The following SDHA variants were observed in gnomAD, a reference collection of about 807,000 sequenced individuals.
SDHA encodes the protein succinate dehydrogenase complex flavoprotein subunit A.
A neutral mutation model predicts 78.4 loss-of-function variants in SDHA; 48 were observed. The observed-to-expected ratio is 0.61, with a 90% CI of 0.49 to 0.78. The LOEUF is 0.78. Ranked by LOEUF, SDHA falls within the 30% of genes least tolerant of loss-of-function variation. SDHA has a pLI of 0.00. For missense variants in SDHA, 680 were observed against 892.7 expected (o/e 0.76, Z 3.04); for synonymous variants, 326 against 353.9 (o/e 0.92, Z 0.88).
chr5:264,304 C>T, the SDHA span, among the ~76,000 whole-genome samples: 1 of 152,146 alleles, frequency 6.6e-6, no homozygotes, highest in African/African-American at 2.4e-5. Context: ...ATCTAAATTC[C>T]TTGGATTGTC....
At chr5:234,757 G>A in intron 8 of SDHA, 1 of 318,204 alleles carries the variant, frequency 3.1e-6, no homozygotes, top group South Asian at 3.0e-5. Context: ...TTTATATTAG[G>A]GACTTGAGCA....
intron 1 of SDHA, among the ~76,000 whole-genome samples, chr5:222,242 C>T (rs1293104215): frequency 1.3e-5 from 2 of 152,128 alleles, no homozygotes; most frequent in Non-Finnish European, 2.9e-5. Context: ...AATTTTTTAT[C>T]CCACATAATA....
At chr5:236,315 C>CGG (rs1034784531) in intron 9 of SDHA, 113 bp from the exon 10 acceptor site, 13 of 1,103,676 alleles carry the variant, frequency 1.2e-5, no homozygotes, top group African/African-American at 1.5e-5. Context: ...TGAGCCACCA[C>CGG]GCCTGGCCTA....
chr5:218,900 C>T (rs1408187153), intron 1 of SDHA, among the ~76,000 whole-genome samples: 4 of 152,158 alleles, frequency 2.6e-5, no homozygotes, highest in Non-Finnish European at 4.4e-5. Context: ...GCCGGCGGGG[C>T]GGGTGAGACC....
rs774899920 is a variant in SDHA at position 256,758 on chromosome 5, A to G, written c.*338A>G. 16 of 337,840 alleles carry G rather than the reference A, an allele frequency of 4.7e-5. No homozygotes were observed. The highest frequency in any genetic ancestry group is 9.6e-5 in the South Asian group (2 of 20,826). The allele number at this position is 337,840 out of a possible 1,614,324, so 20.9% of individuals were successfully genotyped here. On this transcript the variant is annotated 3_prime_UTR_variant, in exon 15 of 15. Coordinates refer to ENST00000264932, the MANE Select transcript of SDHA (RefSeq NM_004168.4). ...GTCATATTTGTTGACCTAAAAATCA[A>G]ATGTAATCTTTGTATTGTGTTACAT...
intron 5 of SDHA, among the ~76,000 whole-genome samples, chr5:226,548 C>G (rs1002277499): frequency 2.0e-5 from 3 of 152,144 alleles, no homozygotes; most frequent in Non-Finnish European, 4.4e-5. Context: ...TCCTGGATCA[C>G]TTGAGACCAG....
chr5:263,255 G>A, the SDHA span, among the ~76,000 whole-genome samples: 2 of 152,098 alleles, frequency 1.3e-5, no homozygotes, highest in Non-Finnish European at 2.9e-5. Context: ...CCTAAGACAA[G>A]GCAGGTTTTA....
Position 228,247 on chromosome 5 carries a change from TG to T in SDHA, c.688del (p.Glu230SerfsTer10), listed in dbSNP as rs1553998199. The T allele has an allele frequency of 9.9e-6, 16 of 1,613,596 alleles. No individual in the cohort carries two copies. The highest frequency in any genetic ancestry group is 1.4e-5 in the Non-Finnish European group (16 of 1,179,724). On this transcript the variant is annotated frameshift_variant, in exon 6 of 15. Coordinates refer to ENST00000264932, the MANE Select transcript of SDHA (RefSeq NM_004168.4). LOFTEE classifies it high-confidence loss of function. The part of the protein sequence containing the change: ...YFALDLLMEN[G>X]ECRGVIALCI... Reference sequence around the variant, plus strand: ...TTGCCTTGGATCTCCTGATGGAGAATGGGGAGTGCCGTGGTGTCATCGCACT... The same window carrying T: ...TTGCCTTGGATCTCCTGATGGAGAATGGGAGTGCCGTGGTGTCATCGCACT...
At chr5:235,402 C>T in intron 9 of SDHA, 63 bp downstream of exon 9, 2 of 1,470,860 alleles carry the variant, frequency 1.4e-6, no homozygotes, top group East Asian at 2.3e-5. Flanking sequence ...GCCCACCTCG[C>T]AGTTGTCTCT....
chr5:236,389 G>A (rs141465126), intron 9 of SDHA, 39 bp from the exon 10 acceptor site: 47 of 1,605,950 alleles, frequency 2.9e-5, no homozygotes, highest in Admixed American at 1.0e-4. Flanking sequence ...TGGAGGCATG[G>A]GCACCTTGAC....
At chr5:268,157 T>A in the SDHA span, among the ~76,000 whole-genome samples, 1 of 151,998 alleles carries the variant, frequency 6.6e-6, no homozygotes, top group East Asian at 1.9e-4. Flanking sequence ...TGTACATTCA[T>A]ATGAGTATGC....
chr5:230,920 G>C lies in SDHA; in HGVS notation c.815G>C (p.Ser272Thr). The change falls in exon 7 of 15, where the codon AGC becomes ACC. Residue 272 changes from serine (S) to threonine (T), a missense_variant. Physicochemically the swap from Ser to Thr is moderately conservative, Grantham distance 58. Transcript: ENST00000264932. ...TYFSCTSAHT[S>T]TGDGTAMITR... Reference sequence around the variant, plus strand: ...TTCAGCTGCACGTCTGCCCACACCAGCACTGGCGACGGCACGGCCATGATC... The same window carrying C: ...TTCAGCTGCACGTCTGCCCACACCACCACTGGCGACGGCACGGCCATGATC... 1.2e-6 allele frequency: 2 copies of C among 1,614,084 alleles called. No individual in the cohort carries two copies. Among genetic ancestry groups the C allele is most frequent in the South Asian group, 2.2e-5 (2 of 91,076 alleles).
intron 6 of SDHA, among the ~76,000 whole-genome samples, chr5:229,167 T>C (rs1184215523): frequency 6.6e-6 from 1 of 152,166 alleles, no homozygotes; most frequent in Non-Finnish European, 1.5e-5. Context: ...GTGCTGTTGG[T>C]GGGAATGTAA....
At chr5:264,534 C>G in the SDHA span, among the ~76,000 whole-genome samples, 1 of 152,218 alleles carries the variant, frequency 6.6e-6, no homozygotes. Flanking sequence ...GCACCCCGGC[C>G]TAATCCAGGA....
At chr5:236,377 G>C (rs760135704) in intron 9 of SDHA, 51 bp from the exon 10 acceptor site, 80 of 1,580,664 alleles carry the variant, frequency 5.1e-5, no homozygotes, top group Middle Eastern at 2.1e-4. Flanking sequence ...AAGGTGGGCT[G>C]GTGGAGGCAT....
At chr5:265,623 C>T in the SDHA span, among the ~76,000 whole-genome samples, 1 of 151,956 alleles carries the variant, frequency 6.6e-6, no homozygotes, top group Non-Finnish European at 1.5e-5. Flanking sequence ...TAAGAATTGT[C>T]CCAGCCTGGC....
chr5:243,649 C>T (rs942414918), intron 11 of SDHA, among the ~76,000 whole-genome samples: 1 of 152,102 alleles, frequency 6.6e-6, no homozygotes, highest in Non-Finnish European at 1.5e-5. Flanking sequence ...TTTTATAGCT[C>T]GGTTACAGGA....
intron 11 of SDHA, chr5:250,744 C>T: frequency 2.2e-6 from 1 of 459,072 alleles, no homozygotes; most frequent in Non-Finnish European, 4.0e-6. Context: ...TGGCTGTATC[C>T]TGCTGGAAAG....
the SDHA span, among the ~76,000 whole-genome samples, chr5:263,507 C>T: frequency 1.8e-4 from 27 of 152,266 alleles, no homozygotes; most frequent in African/African-American, 5.5e-4. Flanking sequence ...TCCTACGTGA[C>T]GGAAAGCAGA....
Sources: allele counts gnomAD v4.1 joint callset (sites outside exome capture counted in the v4.1 genomes callset), GRCh38; gene constraint gnomAD v4.1.1; transcripts MANE v1.5; gene names NCBI Gene and HGNC (gene_info 2026-07-23, HGNC 2026-07-21).